Variants in SLIT3 observed in about 807,000 individuals in gnomAD.
The protein encoded by SLIT3 is slit guidance ligand 3, also known as slit homolog 3 protein.
Under a neutral mutation model 184.0 loss-of-function variants are expected in SLIT3, and 68 were observed. The observed-to-expected ratio is 0.37, with a 90% confidence interval of 0.30 to 0.45. The LOEUF (loss-of-function observed/expected upper bound fraction) is 0.45, where lower values mean the gene tolerates loss of function less well. Ranked by LOEUF, SLIT3 falls within the 20% of genes least tolerant of loss-of-function variation. The probability of loss-of-function intolerance (pLI) is 1.00; values close to 1 mark genes in which losing one functional copy is unlikely to be tolerated. For missense variants in SLIT3, 1,707 were observed against 2,026.0 expected (o/e 0.84, Z 3.02); for synonymous variants, 831 against 828.6 (o/e 1.00, Z -0.05).
At position 169,123,908 on chromosome 5, in the gene SLIT3, G is replaced by A. The variant is rs761390256; in HGVS notation, c.413+69571C>T. 1.5e-3 allele frequency among the ~76,000 whole-genome samples: 227 copies of A among 152,292 alleles called. 2 individuals are homozygous for A. The highest frequency in any genetic ancestry group is 2.2e-3 in the Non-Finnish European group (153 of 68,030). The stretch of plus-strand genomic sequence containing the variant: ...AGTGTGCTTAATATGGCAGTGTTAT[G>A]AGAAAGTTAGCCAAAGTTTTAGCTG... On this transcript the variant is annotated intron_variant, in intron 4 of 35. Transcript: ENST00000519560.
rs565029464 is a variant in SLIT3 at position 168,663,011 on chromosome 5, G to C, written c.*3443C>G. 2.5e-4 allele frequency: 38 copies of C among 152,346 alleles called. No homozygotes were observed. Among genetic ancestry groups the C allele is most frequent in the Middle Eastern group, 3.4e-3 (1 of 294 alleles). The allele number at this position is 152,346 out of a possible 1,614,324, so 9.4% of individuals were successfully genotyped here. A position where few individuals can be genotyped will look rare whatever the true frequency, so the allele number is the denominator to read the frequency against. The stretch of plus-strand genomic sequence containing the variant: ...AGGGCTTCCAAACTTGAGGGAGAAG[G>C]CTCAAAATTATAAGGGACAGACCTG... On this transcript the variant is annotated 3_prime_UTR_variant, in exon 36 of 36. Transcript: ENST00000519560.
chr5:169,122,005 T>C (rs1437801606), intron 4 of SLIT3, among the ~76,000 whole-genome samples: 1 of 152,192 alleles, frequency 6.6e-6, no homozygotes, highest in Non-Finnish European at 1.5e-5. Flanking sequence ...AAATGGTAGC[T>C]CCTTTTACCA....
At chr5:168,769,169 A>G (rs1167649540) in intron 14 of SLIT3, among the ~76,000 whole-genome samples, 1 of 152,194 alleles carries the variant, frequency 6.6e-6, no homozygotes, top group Non-Finnish European at 1.5e-5. Flanking sequence ...TATGGGAGCG[A>G]ACAGGATGAA....
chr5:168,762,563 T>G lies in SLIT3; in HGVS notation c.1586A>C (p.His529Pro), dbSNP rs1302348386. 1.2e-6 allele frequency: 2 copies of G among 1,613,606 alleles called. No homozygotes were observed. Residue 529 changes from histidine to proline, a missense_variant, in exon 15 of 36, where the codon CAC (histidine) becomes CCC (proline). Around this residue, in one of 3 missense-constraint regions of SLIT3, gnomAD observed 1,307 missense variants for 1,511.6 expected, o/e 0.86. Transcript: ENST00000519560. ...SNQKLVRIPS[H>P]LPEYVTDLRL... ...CAGGTCGGTGACATATTCAGGGAGG[T>G]GGCTTGGGATGCGGACCAGCTTCTG...
chr5:168,757,534 C>T (rs543855353), intron 16 of SLIT3, among the ~76,000 whole-genome samples: 5 of 152,274 alleles, frequency 3.3e-5, no homozygotes, highest in South Asian at 2.1e-4. Flanking sequence ...CCCAGGTTCA[C>T]GCCATTCTCC....
intron 3 of SLIT3, among the ~76,000 whole-genome samples, chr5:169,206,936 C>T (rs1310797931): frequency 1.3e-5 from 2 of 151,386 alleles, no homozygotes; most frequent in African/African-American, 4.9e-5. Flanking sequence ...AAGGAAGATA[C>T]CTGGATAATA....
intron 28 of SLIT3, 95 bp downstream of exon 28, chr5:168,696,197 G>T: frequency 6.9e-7 from 1 of 1,442,314 alleles, no homozygotes; most frequent in Non-Finnish European, 9.7e-7. Context: ...TCTGTCCTCA[G>T]GGAGAGAGGA....
At chr5:169,224,374 T>C (rs558165157) in intron 3 of SLIT3, among the ~76,000 whole-genome samples, 6 of 79,866 alleles carry the variant, frequency 7.5e-5, no homozygotes, top group Admixed American at 1.5e-4. Context: ...TTATTATTTA[T>C]TTATTTATTT....
At chr5:168,861,246 TC>T (rs1429369510) in intron 5 of SLIT3, among the ~76,000 whole-genome samples, 1 of 152,052 alleles carries the variant, frequency 6.6e-6, no homozygotes, top group Non-Finnish European at 1.5e-5. Context: ...CCTAATGCTT[TC>T]CCTCCCCCAT....
chr5:168,713,007 G>T (rs1762609387), intron 23 of SLIT3, among the ~76,000 whole-genome samples: 1 of 152,196 alleles, frequency 6.6e-6, no homozygotes, highest in African/African-American at 2.4e-5. Flanking sequence ...TATCAAGGAG[G>T]TCAGTAAATT....
rs547264169 is a variant in SLIT3 at position 169,242,882 on chromosome 5, C to T, written c.341+1823G>A. Among the ~76,000 whole-genome samples the T allele has an allele frequency of 1.8e-4, 27 of 151,968 alleles. 1 individual carries two copies. The highest frequency in any genetic ancestry group is 1.0e-3 in the South Asian group (5 of 4,804). On this transcript the variant is annotated intron_variant, in intron 3 of 35. Coordinates refer to ENST00000519560, the MANE Select transcript of SLIT3 (RefSeq NM_003062.4). The stretch of plus-strand genomic sequence containing the variant: ...AAGAGGCTTTGCCAAAATATTTCAT[C>T]GATATTCCCTGGAGTTAAATGTTTA...
chr5:168,724,778 G>A (rs1447219349), intron 20 of SLIT3, among the ~76,000 whole-genome samples: 1 of 152,090 alleles, frequency 6.6e-6, no homozygotes, highest in East Asian at 1.9e-4. Flanking sequence ...ATACATAGTA[G>A]GTATTCAATA....
rs1026137216 is a variant in SLIT3 at position 169,192,423 on chromosome 5, C to G, written c.413+1056G>C. ...TAAAATAAATTTATGTATATAGTCTCTGTGTGTGTGTGTGTGTGTGTGTGT... is the reference window on the plus strand; with the variant it reads ...TAAAATAAATTTATGTATATAGTCTGTGTGTGTGTGTGTGTGTGTGTGTGT... On this transcript the variant is annotated intron_variant, in intron 4 of 35. Coordinates refer to ENST00000519560, the MANE Select transcript of SLIT3 (RefSeq NM_003062.4). Among the ~76,000 whole-genome samples, 7 of 148,276 alleles carry G rather than the reference C, an allele frequency of 4.7e-5. No homozygotes were observed. In the South Asian group the frequency reaches 6.5e-4, roughly 14 times the overall value.
intron 4 of SLIT3, among the ~76,000 whole-genome samples, chr5:168,936,308 C>T (rs760002446): frequency 1.3e-5 from 2 of 152,178 alleles, no homozygotes; most frequent in African/African-American, 2.4e-5. Context: ...AATCTCGGCT[C>T]ACTGCAACCT....
chr5:169,110,082 A>G lies in SLIT3; in HGVS notation c.413+83397T>C, dbSNP rs142424530. 6.6e-3 allele frequency among the ~76,000 whole-genome samples: 1,010 copies of G among 152,254 alleles called. 9 individuals carry two copies. The highest frequency in any genetic ancestry group is 0.011 in the Non-Finnish European group (727 of 68,008). On this transcript the variant is annotated intron_variant, in intron 4 of 35. Transcript: ENST00000519560. The stretch of plus-strand genomic sequence containing the variant: ...AGGCTTGTCTTGAACTCCTGACCTC[A>G]GGTGATCTGCCTGCCTCAGCCTCCC...
chr5:169,010,950 C>T (rs72826545), intron 4 of SLIT3, among the ~76,000 whole-genome samples: 2,117 of 151,086 alleles, frequency 0.014, 22 homozygotes, highest in East Asian at 0.028. Context: ...GAGTGCTTTA[C>T]AGTATGAAGC....
At chr5:168,984,956 G>T (rs965815939) in intron 4 of SLIT3, among the ~76,000 whole-genome samples, 1 of 152,156 alleles carries the variant, frequency 6.6e-6, no homozygotes, top group African/African-American at 2.4e-5. Context: ...TAAACTTTGA[G>T]AAGTAATGAT....
intron 6 of SLIT3, among the ~76,000 whole-genome samples, chr5:168,829,770 T>A (rs1561955773): frequency 6.6e-6 from 1 of 151,984 alleles, no homozygotes. Context: ...CAGCTGAGAG[T>A]ATAAGTCCTG....
At chr5:168,688,600 CTGGCCTATGCTCAAA>C (rs1250784867) in intron 29 of SLIT3, among the ~76,000 whole-genome samples, 3 of 152,236 alleles carry the variant, frequency 2.0e-5, no homozygotes, top group African/African-American at 7.2e-5. Context: ...TGAGGACTTA[CTGGCCTATGCTCAAA>C]AATTGAAATC....
Sources: allele counts gnomAD v4.1 joint callset (sites outside exome capture counted in the v4.1 genomes callset), GRCh38; gene constraint gnomAD v4.1.1; regional missense constraint gnomAD v4.1.1; transcripts MANE v1.5; gene names NCBI Gene and HGNC (gene_info 2026-07-23, HGNC 2026-07-21).